Variants in TBC1D12 observed in about 807,000 individuals in gnomAD.
TBC1D12 encodes TBC1 domain family member 12.
In TBC1D12, 56 loss-of-function variants were observed where a neutral mutation model predicts 86.7. That is an observed-to-expected ratio of 0.65 (90% CI 0.52 to 0.81). The LOEUF (loss-of-function observed/expected upper bound fraction) is 0.81. Among genes scored for constraint, TBC1D12 ranks in the 30% least tolerant of loss-of-function variants. The probability of loss-of-function intolerance (pLI) is 0.00; values close to 1 mark genes in which losing one functional copy is unlikely to be tolerated. For synonymous variants in TBC1D12, 421 were observed against 411.7 expected, an observed-to-expected ratio of 1.02 and a Z score of -0.27; for missense variants, 1,023 against 1,038.8, an observed-to-expected ratio of 0.98 and a Z score of 0.21.
At chr10:94,490,595 C>T (rs1042100868) in intron 3 of TBC1D12, among the ~76,000 whole-genome samples, 3 of 152,088 alleles carry the variant, frequency 2.0e-5, no homozygotes, top group Non-Finnish European at 4.4e-5. Flanking sequence ...GAATGTCAGA[C>T]ATTGTGGTTT....
At chr10:94,407,843 G>A (rs2054878472) in intron 1 of TBC1D12, among the ~76,000 whole-genome samples, 1 of 152,200 alleles carries the variant, frequency 6.6e-6, no homozygotes, top group Non-Finnish European at 1.5e-5. Flanking sequence ...GCGTATGCCT[G>A]TAGTCCCAGC....
At chr10:94,473,401 A>G (rs2055939664) in intron 2 of TBC1D12, among the ~76,000 whole-genome samples, 1 of 152,016 alleles carries the variant, frequency 6.6e-6, no homozygotes, top group Admixed American at 6.6e-5. Context: ...AAGATTATCA[A>G]ATTTTTAAGA....
At chr10:94,467,481 C>A (rs1271045416) in intron 2 of TBC1D12, among the ~76,000 whole-genome samples, 1 of 152,256 alleles carries the variant, frequency 6.6e-6, no homozygotes, top group Non-Finnish European at 1.5e-5. Flanking sequence ...AGCCGCCCGC[C>A]TTGGCCTCCC....
intron 2 of TBC1D12, among the ~76,000 whole-genome samples, chr10:94,444,295 C>T (rs2055420942): frequency 6.6e-6 from 1 of 150,414 alleles, no homozygotes; most frequent in Admixed American, 6.6e-5. Context: ...GACATAGCTA[C>T]TTATTAAACA....
intron 3 of TBC1D12, among the ~76,000 whole-genome samples, chr10:94,488,874 T>A (rs1303445765): frequency 6.6e-6 from 1 of 152,058 alleles, no homozygotes; most frequent in African/African-American, 2.4e-5. Context: ...GTATCTAAGA[T>A]GCAATACAAA....
intron 1 of TBC1D12, among the ~76,000 whole-genome samples, chr10:94,441,657 G>A (rs991316907): frequency 1.9e-4 from 29 of 152,116 alleles, no homozygotes; most frequent in African/African-American, 7.0e-4. Flanking sequence ...GTGTGCCATG[G>A]TGGTTTGCTG....
At chr10:94,485,745 A>G (rs1239088987) in intron 3 of TBC1D12, among the ~76,000 whole-genome samples, 1 of 152,056 alleles carries the variant, frequency 6.6e-6, no homozygotes, top group Non-Finnish European at 1.5e-5. Context: ...CTTTACTGGT[A>G]GACTTTTAAT....
chr10:94,436,919 G>T (rs964123092), intron 1 of TBC1D12, among the ~76,000 whole-genome samples: 1 of 151,914 alleles, frequency 6.6e-6, no homozygotes, highest in Non-Finnish European at 1.5e-5. Flanking sequence ...TGTTGGCCAG[G>T]ATGGTCTCTA....
chr10:94,527,848 T>C (rs569746103), intron 11 of TBC1D12, among the ~76,000 whole-genome samples: 1 of 152,334 alleles, frequency 6.6e-6, no homozygotes, highest in African/African-American at 2.4e-5. Flanking sequence ...TGAATTAGTG[T>C]TCTTGGCATC....
chr10:94,512,273 T>A (rs1297250318), intron 9 of TBC1D12, among the ~76,000 whole-genome samples: 1 of 140,256 alleles, frequency 7.1e-6, no homozygotes, highest in Non-Finnish European at 1.6e-5. Context: ...CTTGTAGTCC[T>A]TGTGGGTTAA....
chr10:94,493,677 C>G (rs924531234), intron 4 of TBC1D12, among the ~76,000 whole-genome samples: 1 of 152,134 alleles, frequency 6.6e-6, no homozygotes. Context: ...CTCAGCCTCC[C>G]AAGTAGCTGG....
At chr10:94,435,165 T>C (rs1017992784) in intron 1 of TBC1D12, among the ~76,000 whole-genome samples, 2 of 152,238 alleles carry the variant, frequency 1.3e-5, no homozygotes, top group Non-Finnish European at 1.5e-5. Context: ...GTCCTGAATG[T>C]TGTTATATAT....
At chr10:94,406,979 T>G (rs1295730996) in intron 1 of TBC1D12, among the ~76,000 whole-genome samples, 1 of 152,210 alleles carries the variant, frequency 6.6e-6, no homozygotes, top group Non-Finnish European at 1.5e-5. Flanking sequence ...TTATCCTCCA[T>G]GCTTTCCTTC....
intron 9 of TBC1D12, among the ~76,000 whole-genome samples, chr10:94,519,128 T>C (rs1183999464): frequency 1.3e-5 from 2 of 152,222 alleles, no homozygotes; most frequent in East Asian, 3.8e-4. Context: ...TATTATGCCA[T>C]TGCTTAATTG....
chr10:94,420,211 T>G (rs2055055596), intron 1 of TBC1D12, among the ~76,000 whole-genome samples: 1 of 152,170 alleles, frequency 6.6e-6, no homozygotes, highest in African/African-American at 2.4e-5. Context: ...TTTTCTGCCC[T>G]GCTGCTATAT....
At chr10:94,436,144 C>CTT (rs202015240) in intron 1 of TBC1D12, among the ~76,000 whole-genome samples, 5 of 144,098 alleles carry the variant, frequency 3.5e-5, no homozygotes, top group African/African-American at 1.0e-4. Context: ...TCCTTTATTC[C>CTT]TTTTTTTTTT....
chr10:94,493,564 C>T (rs944166948), intron 4 of TBC1D12, 117 bp downstream of exon 4: 16 of 843,008 alleles, frequency 1.9e-5, no homozygotes, highest in South Asian at 7.1e-5. Flanking sequence ...TTTCTTTTTT[C>T]GTTTCTTTTT....
At chr10:94,459,561 G>A (rs1464878040) in intron 2 of TBC1D12, among the ~76,000 whole-genome samples, 1 of 152,224 alleles carries the variant, frequency 6.6e-6, no homozygotes, top group Non-Finnish European at 1.5e-5. Context: ...GCCCGTCGGG[G>A]AGGCTCGGGC....
intron 3 of TBC1D12, among the ~76,000 whole-genome samples, chr10:94,487,061 C>G (rs563694303): frequency 6.6e-6 from 1 of 151,998 alleles, no homozygotes; most frequent in Non-Finnish European, 1.5e-5. Context: ...TATATAATGA[C>G]CTTCTTTGTC....
Sources: allele counts gnomAD v4.1 joint callset (sites outside exome capture counted in the v4.1 genomes callset), GRCh38; gene constraint gnomAD v4.1.1; transcripts MANE v1.5; gene names NCBI Gene and HGNC (gene_info 2026-07-23, HGNC 2026-07-21).